Variants in TRHDE observed in about 807,000 individuals in gnomAD.
The protein encoded by TRHDE is thyrotropin releasing hormone degrading enzyme.
In TRHDE, 72 loss-of-function variants were observed where a neutral mutation model predicts 125.7. That is an observed-to-expected ratio of 0.57 (90% CI 0.47 to 0.70). The LOEUF is 0.70. Ranked by LOEUF, TRHDE falls within the 30% of genes least tolerant of loss-of-function variation. TRHDE has a pLI of 0.00. For missense variants in TRHDE, 1,110 were observed against 1,327.1 expected (o/e 0.84, Z 2.54); for synonymous variants, 509 against 509.1 (o/e 1.00, Z 0.00).
At chr12:72,222,484 T>C (rs1466251544) in intron 2 of TRHDE, among the ~76,000 whole-genome samples, 2 of 151,758 alleles carry the variant, frequency 1.3e-5, no homozygotes, top group Non-Finnish European at 2.9e-5. Flanking sequence ...TGGAGGCTTC[T>C]TAAAACAGAG....
intron 5 of TRHDE, among the ~76,000 whole-genome samples, chr12:72,481,322 TA>T (rs769318710): frequency 0.03 from 1,638 of 54,700 alleles, 29 homozygotes; most frequent in African/African-American, 0.065. Context: ...AGTGATAGAA[TA>T]AAAAAAAAAA....
At chr12:72,425,236 T>C (rs565156487) in intron 3 of TRHDE, among the ~76,000 whole-genome samples, 5 of 152,292 alleles carry the variant, frequency 3.3e-5, no homozygotes, top group African/African-American at 1.2e-4. Context: ...TGATTTTCCT[T>C]GGAAAACTAT....
At chr12:72,534,531 GA>G (rs1868746337) in intron 6 of TRHDE, among the ~76,000 whole-genome samples, 1 of 152,088 alleles carries the variant, frequency 6.6e-6, no homozygotes, top group South Asian at 2.1e-4. Flanking sequence ...TGACAGGGGA[GA>G]TTGACTACTG....
chr12:72,167,094 A>G (rs915799995), intron 2 of TRHDE, among the ~76,000 whole-genome samples: 3 of 152,064 alleles, frequency 2.0e-5, no homozygotes, highest in African/African-American at 7.2e-5. Context: ...TACTCTCCAA[A>G]AGGTCTCACT....
intron 3 of TRHDE, among the ~76,000 whole-genome samples, chr12:72,402,207 GGAA>G: frequency 6.6e-6 from 1 of 152,110 alleles, no homozygotes; most frequent in South Asian, 2.1e-4. Context: ...GGGCCATGTT[GGAA>G]GAAGAATTGT....
chr12:72,396,871 T>C (rs1175476346), intron 3 of TRHDE, among the ~76,000 whole-genome samples: 1 of 152,224 alleles, frequency 6.6e-6, no homozygotes, highest in East Asian at 1.9e-4. Flanking sequence ...CTTCTTATTT[T>C]CCCAATGTTT....
chr12:72,296,593 TGG>T (rs943831334), intron 2 of TRHDE, among the ~76,000 whole-genome samples: 3 of 152,126 alleles, frequency 2.0e-5, no homozygotes, highest in African/African-American at 7.2e-5. Context: ...TGCAGCCATG[TGG>T]GTGCCTTTAT....
chr12:72,332,913 T>C (rs942219024), intron 2 of TRHDE, among the ~76,000 whole-genome samples: 2 of 152,242 alleles, frequency 1.3e-5, no homozygotes, highest in African/African-American at 4.8e-5. Flanking sequence ...CATTTGGACC[T>C]TAATGTTTGA....
At chr12:72,630,793 T>A (rs984069915) in intron 15 of TRHDE, among the ~76,000 whole-genome samples, 1 of 151,106 alleles carries the variant, frequency 6.6e-6, no homozygotes, top group African/African-American at 2.4e-5. Flanking sequence ...TCAGCCATTA[T>A]AATATTATTT....
chr12:72,517,016 C>A (rs1406766224), intron 6 of TRHDE, among the ~76,000 whole-genome samples: 2 of 151,966 alleles, frequency 1.3e-5, no homozygotes, highest in South Asian at 2.1e-4. Context: ...GGTGGATAAG[C>A]TTTTTGATGT....
chr12:72,637,273 T>A (rs1171860327), intron 15 of TRHDE, among the ~76,000 whole-genome samples: 3 of 152,220 alleles, frequency 2.0e-5, no homozygotes, highest in Non-Finnish European at 4.4e-5. Flanking sequence ...TCTTCTAGAT[T>A]TTCTAGTTTA....
chr12:72,105,038 A>C (rs1300105662), intron 1 of TRHDE, among the ~76,000 whole-genome samples: 1 of 152,158 alleles, frequency 6.6e-6, no homozygotes, highest in East Asian at 1.9e-4. Context: ...TTCTCCATCA[A>C]GTGTGAAGTA....
rs148315598 is a variant in TRHDE at position 72,574,937 on chromosome 12, G to C, written c.2132-318G>C. On this transcript the variant is annotated intron_variant, in intron 10 of 18. Coordinates refer to ENST00000261180, the MANE Select transcript of TRHDE (RefSeq NM_013381.3). ...ATATCCCCATACGATCTAATTAGAA[G>C]TTGCCTGAATACAGTGGTAGATTTC... Among the ~76,000 whole-genome samples the C allele has an allele frequency of 8.8e-4, 134 of 152,178 alleles. 1 individual carries two copies. Among genetic ancestry groups the C allele is most frequent in the African/African-American group, 3.2e-3 (131 of 41,538 alleles).
At chr12:72,483,981 CAT>C (rs1445099027) in intron 5 of TRHDE, among the ~76,000 whole-genome samples, 5 of 151,944 alleles carry the variant, frequency 3.3e-5, no homozygotes, top group Non-Finnish European at 5.9e-5. Flanking sequence ...ATTAAAATAA[CAT>C]AAATTCATCA....
intron 2 of TRHDE, among the ~76,000 whole-genome samples, chr12:72,227,713 C>T (rs1878162021): frequency 6.6e-6 from 1 of 152,168 alleles, no homozygotes; most frequent in Admixed American, 6.5e-5. Flanking sequence ...GCCTATGAGC[C>T]CGTAAAATCA....
At chr12:72,377,660 G>C (rs1337278074) in intron 2 of TRHDE, among the ~76,000 whole-genome samples, 1 of 151,964 alleles carries the variant, frequency 6.6e-6, no homozygotes, top group Non-Finnish European at 1.5e-5. Flanking sequence ...GCATAGTCAG[G>C]GTCCCATTAT....
chr12:72,534,086 G>A lies in TRHDE; in HGVS notation c.1723-8205G>A, dbSNP rs1056595831. On this transcript the variant is annotated intron_variant, in intron 6 of 18. Coordinates refer to ENST00000261180, the MANE Select transcript of TRHDE (RefSeq NM_013381.3). ...CTGATTTGAAACTAGGAAGGAGTTG[G>A]TGGATACTTCTTTTAGCCAGGATCA... Among the ~76,000 whole-genome samples the A allele has an allele frequency of 6.6e-5, 10 of 152,228 alleles. No homozygotes were observed. The East Asian group carries it at 1.4e-3, about 21-fold the overall frequency.
At chr12:72,533,128 T>G (rs1026408723) in intron 6 of TRHDE, among the ~76,000 whole-genome samples, 7 of 152,154 alleles carry the variant, frequency 4.6e-5, no homozygotes, top group Non-Finnish European at 8.8e-5. Flanking sequence ...TTTCTTATTT[T>G]TAAACCATTA....
intron 15 of TRHDE, among the ~76,000 whole-genome samples, chr12:72,632,959 G>T (rs1013358575): frequency 4.5e-4 from 68 of 151,716 alleles, no homozygotes; most frequent in African/African-American, 1.5e-3. Context: ...TTATGTTTTT[G>T]TGCTTTGGCA....
Sources: gnomAD v4.1 joint callset for allele counts (sites outside exome capture counted in the v4.1 genomes callset) on GRCh38, gnomAD v4.1.1 for gene constraint, MANE v1.5 for transcripts, NCBI Gene and HGNC (gene_info 2026-07-23, HGNC 2026-07-21) for gene names.